The following SANBR variants were observed in gnomAD, a reference collection of about 807,000 sequenced individuals.
The protein encoded by SANBR is SANT and BTB domain regulator of CSR.
SANBR carries 77 observed loss-of-function variants against 101.8 expected under a neutral mutation model. The ratio of observed to expected loss-of-function variants is 0.76; its 90% confidence interval spans 0.63 to 0.91. SANBR has a LOEUF of 0.91. SANBR is among the 40% of genes least tolerant of loss of function. The pLI is 0.00. For missense variants in SANBR, 875 were observed against 853.0 expected, an observed-to-expected ratio of 1.03 and a Z score of -0.32; for synonymous variants, 279 against 274.7, an observed-to-expected ratio of 1.02 and a Z score of -0.15.
intron 20 of SANBR, 64 bp downstream of exon 20, chr2:61,118,180 C>A: frequency 1.9e-6 from 2 of 1,074,282 alleles, no homozygotes; most frequent in East Asian, 2.6e-5. Flanking sequence ...TTATTTTCAG[C>A]TTAGGATTAT....
At chr2:61,131,069 A>G (rs1328803735) in intron 20 of SANBR, among the ~76,000 whole-genome samples, 1 of 152,072 alleles carries the variant, frequency 6.6e-6, no homozygotes, top group African/African-American at 2.4e-5. Context: ...TTGATAAAGG[A>G]CATCTACAAA....
At chr2:61,125,647 G>A (rs1208627710), downstream of SANBR, among the ~76,000 whole-genome samples, 1 of 152,156 alleles carries the variant, frequency 6.6e-6, no homozygotes, top group East Asian at 1.9e-4. Flanking sequence ...TAGCCAGTTT[G>A]CTTCTTACTA....
intron 20 of SANBR, among the ~76,000 whole-genome samples, chr2:61,130,078 T>C (rs991691615): frequency 6.6e-6 from 1 of 152,138 alleles, no homozygotes; most frequent in Non-Finnish European, 1.5e-5. Flanking sequence ...TATGGTAATA[T>C]ATATAATTTT....
At chr2:61,129,785 A>G (rs912905273) in intron 20 of SANBR, among the ~76,000 whole-genome samples, 3 of 152,102 alleles carry the variant, frequency 2.0e-5, no homozygotes, top group African/African-American at 7.2e-5. Flanking sequence ...AATGCAATAA[A>G]AGCTATAAAT....
At chr2:61,082,444 G>C (rs999287939) in intron 7 of SANBR, among the ~76,000 whole-genome samples, 1 of 152,156 alleles carries the variant, frequency 6.6e-6, no homozygotes, top group African/African-American at 2.4e-5. Flanking sequence ...AGCAAACCCA[G>C]CACAACTGAG....
At chr2:61,129,283 A>C (rs1273509106) in intron 20 of SANBR, among the ~76,000 whole-genome samples, 1 of 151,990 alleles carries the variant, frequency 6.6e-6, no homozygotes, top group Non-Finnish European at 1.5e-5. Context: ...ATCTCTACTA[A>C]AAATACAAAA....
rs1198496640 is a variant in SANBR, at chr2:61,092,399, T to TTAAA, written c.1089-52_1089-49dup. ...AACTCCATCTCAAAGAAGATAATAA[T>TTAAA]TAAATAAATAAATAAAACAAATTGT... On this transcript the variant is annotated intron_variant, in intron 10 of 21. Coordinates refer to ENST00000402291, the MANE Select transcript of SANBR (RefSeq NM_001129993.3). 3.7e-5 allele frequency: 46 copies of TTAAA among 1,243,720 alleles called. 2 individuals carry two copies. In the South Asian group the frequency reaches 8.5e-4, roughly 23 times the overall value. The allele number at this position is 1,243,720 out of a possible 1,614,324, so 77.0% of individuals were successfully genotyped here. A position where few individuals can be genotyped will look rare whatever the true frequency, so the allele number is the denominator to read the frequency against.
At chr2:61,131,021 T>TA (rs919080969) in intron 20 of SANBR, among the ~76,000 whole-genome samples, 137 of 144,222 alleles carry the variant, frequency 9.5e-4, no homozygotes, top group African/African-American at 2.6e-3. Flanking sequence ...TCTTTCATGG[T>TA]AAAAAACATT....
chr2:61,096,402 TCTCCAAACCAACTCCTGGGA>T (rs1683032403), intron 11 of SANBR, among the ~76,000 whole-genome samples: 1 of 152,020 alleles, frequency 6.6e-6, no homozygotes, highest in Non-Finnish European at 1.5e-5. Context: ...CAGTTTCCCT[TCTCCAAACCAACTCCTGGGA>T]CTCAGGGTCC....
chr2:61,087,423 G>A (rs1307378834), intron 8 of SANBR, among the ~76,000 whole-genome samples: 3 of 151,204 alleles, frequency 2.0e-5, no homozygotes, highest in African/African-American at 7.3e-5. Context: ...TTAACTGAAT[G>A]TGGTGGCACA....
chr2:61,105,413 C>G (rs1029554455), intron 13 of SANBR, among the ~76,000 whole-genome samples: 1 of 151,872 alleles, frequency 6.6e-6, no homozygotes, highest in Admixed American at 6.6e-5. Flanking sequence ...GTTGCCCAGG[C>G]TGGAGTGCGG....
At chr2:61,080,341 C>G (rs779044803) in intron 6 of SANBR, among the ~76,000 whole-genome samples, 1 of 152,052 alleles carries the variant, frequency 6.6e-6, no homozygotes, top group Non-Finnish European at 1.5e-5. Context: ...TTTCTAATAA[C>G]CTGCCACTGG....
At chr2:61,069,528 T>A (rs1681350318) in intron 2 of SANBR, 1 of 152,342 alleles carries the variant, frequency 6.6e-6, no homozygotes, top group Non-Finnish European at 1.5e-5. Flanking sequence ...TTTTTGTCCA[T>A]AGGAGCAGTT....
chr2:61,088,402 G>A lies in SANBR; in HGVS notation c.1022G>A (p.Arg341Lys). 1.2e-6 allele frequency: 2 copies of A among 1,606,340 alleles called. No individual in the cohort carries two copies. The highest frequency in any genetic ancestry group is 1.7e-6 in the Non-Finnish European group (2 of 1,176,762). Residue 341 changes from arginine to lysine, a missense_variant, in exon 10 of 22, where the codon AGA becomes AAA. Physicochemically the swap from Arg to Lys is conservative, Grantham distance 26. Coordinates refer to ENST00000402291, the MANE Select transcript of SANBR (RefSeq NM_001129993.3). Reference protein sequence around the residue: ...KKLLTKETERRIPCIPGKINV... With the variant: ...KKLLTKETERKIPCIPGKINV... Reference sequence around the variant, plus strand: ...CTTTTAACAAAAGAAACAGAAAGAAGAATTCCTTGCATTCCTGGAAAAATC... The same window carrying A: ...CTTTTAACAAAAGAAACAGAAAGAAAAATTCCTTGCATTCCTGGAAAAATC...
At chr2:61,133,325 T>G (rs1684745365) in intron 20 of SANBR, among the ~76,000 whole-genome samples, 1 of 152,032 alleles carries the variant, frequency 6.6e-6, no homozygotes, top group Non-Finnish European at 1.5e-5. Flanking sequence ...GCATAATGGA[T>G]GTGTGGTTTT....
Position 61,073,458 on chromosome 2 carries a change from G to A in SANBR, c.338G>A (p.Gly113Glu). ...PVGHDAVSKTGRHSIASTRNC... is the reference protein window; with the variant it reads ...PVGHDAVSKTERHSIASTRNC... ...GTATGTGTTTGTTTCTGTATTTAAG[G>A]AAGACATAGTATAGCTTCCACAAGG... The change falls in exon 5 of 22, where the codon GGA becomes GAA. Residue 113 changes from glycine to glutamate, a missense_variant and splice_region_variant. Transcript: ENST00000402291. 1 of 1,480,954 alleles carries A rather than the reference G, an allele frequency of 6.8e-7. No homozygotes were observed. Among genetic ancestry groups the A allele is most frequent in the Non-Finnish European group, 9.3e-7 (1 of 1,080,974 alleles). The allele number at this position is 1,480,954 out of a possible 1,614,324, so 91.7% of individuals were successfully genotyped here.
At chr2:61,078,078 T>G (rs1681886218) in intron 6 of SANBR, among the ~76,000 whole-genome samples, 1 of 152,234 alleles carries the variant, frequency 6.6e-6, no homozygotes, top group Admixed American at 6.5e-5. Flanking sequence ...ATGTGATTTT[T>G]AAATATATTG....
At chr2:61,132,683 A>G (rs1684723383) in intron 20 of SANBR, among the ~76,000 whole-genome samples, 1 of 152,240 alleles carries the variant, frequency 6.6e-6, no homozygotes, top group Non-Finnish European at 1.5e-5. Context: ...GAAAACAGGT[A>G]CTCAAACCAA....
rs1683099049 is a variant in SANBR at position 61,097,782 on chromosome 2, C to A, written c.1295C>A (p.Thr432Asn). ...VYPTAASSLN[T>N]VGTGIYPCCN... Reference sequence around the variant, plus strand: ...CCTACTGCAGCAAGTTCATTGAATACTGTTGGCACTGGAATTTATCCCTGC... The same window carrying A: ...CCTACTGCAGCAAGTTCATTGAATAATGTTGGCACTGGAATTTATCCCTGC... Residue 432 changes from threonine (T) to asparagine (N), a missense_variant, in exon 12 of 22, where the codon ACT (threonine) becomes AAT (asparagine). Coordinates refer to ENST00000402291, the MANE Select transcript of SANBR (RefSeq NM_001129993.3). The A allele has an allele frequency of 6.2e-7, 1 of 1,613,064 alleles. No individual in the cohort carries two copies. The highest frequency in any genetic ancestry group is 1.3e-5 in the African/African-American group (1 of 74,900).
Sources: allele counts gnomAD v4.1 joint callset (sites outside exome capture counted in the v4.1 genomes callset), GRCh38; gene constraint gnomAD v4.1.1; transcripts MANE v1.5; gene names NCBI Gene and HGNC (gene_info 2026-07-23, HGNC 2026-07-21).